Variants in EPHA4 observed in about 807,000 individuals in gnomAD.
EPHA4 encodes ephrin type-A receptor 4.
A neutral mutation model predicts 108.3 loss-of-function variants in EPHA4; 19 were observed. The observed-to-expected ratio is 0.18, with a 90% CI of 0.12 to 0.26. EPHA4 has a LOEUF of 0.26. Among genes scored for constraint, EPHA4 ranks in the 10% least tolerant of loss-of-function variants. EPHA4 has a pLI of 1.00. For missense variants in EPHA4, 917 were observed against 1,254.0 expected (o/e 0.73, Z 4.06); for synonymous variants, 449 against 455.5 (o/e 0.99, Z 0.18).
intron 9 of EPHA4, among the ~76,000 whole-genome samples, chr2:221,445,622 G>A (rs1690571932): frequency 6.8e-6 from 1 of 147,874 alleles, no homozygotes; most frequent in Admixed American, 6.8e-5. Flanking sequence ...CTTCTACCTT[G>A]CTTAAGTCAC....
At position 221,435,683 on chromosome 2, in the gene EPHA4, G is replaced by A. The variant is rs377520797; in HGVS notation, c.2346+716C>T. On this transcript the variant is annotated intron_variant, in intron 13 of 17. Transcript: ENST00000281821. ...ATTAGTATTTTATATTCAGATAGTC[G>A]AGCTAAGATAGCACAGCCATTAACT... Among the ~76,000 whole-genome samples the A allele has an allele frequency of 2.5e-4, 38 of 152,146 alleles. No individual in the cohort carries two copies. In the South Asian group the frequency reaches 7.5e-3, roughly 30 times the overall value.
rs1692277880 is a variant in EPHA4, at chr2:221,495,824, A to C, written c.979+5193T>G. Among the ~76,000 whole-genome samples the C allele has an allele frequency of 2.6e-5, 4 of 152,212 alleles. No individual in the cohort carries two copies. In the South Asian group the frequency reaches 8.3e-4, roughly 31 times the overall value. On this transcript the variant is annotated intron_variant, in intron 4 of 17. Coordinates refer to ENST00000281821, the MANE Select transcript of EPHA4 (RefSeq NM_004438.5). ...ACCTGATTTTACAAGCCAGTGGAGC[A>C]CAGTCTCTCTTTGGCTAGAAGAATG...
chr2:221,477,597 T>C (rs938854416), intron 5 of EPHA4, among the ~76,000 whole-genome samples: 5 of 152,120 alleles, frequency 3.3e-5, no homozygotes, highest in Admixed American at 2.6e-4. Context: ...CTGTTCACTA[T>C]CTTACTGTTT....
chr2:221,457,054 T>C (rs1051771912), intron 6 of EPHA4, among the ~76,000 whole-genome samples: 7 of 152,144 alleles, frequency 4.6e-5, no homozygotes, highest in African/African-American at 1.4e-4. Context: ...TAAATGATGG[T>C]TGGTGGCTTT....
At chr2:221,447,708 C>T (rs1345681468) in intron 8 of EPHA4, among the ~76,000 whole-genome samples, 1 of 152,138 alleles carries the variant, frequency 6.6e-6, no homozygotes, top group Non-Finnish European at 1.5e-5. Context: ...AAGCAGGAAC[C>T]AACTTAGCAA....
At position 221,553,343 on chromosome 2, in the gene EPHA4, T is replaced by C. The variant is rs1432909454; in HGVS notation, c.823+10388A>G. ...TGCGATCCTAATGAAGAATCCACTG[T>C]GGAAAGCAATAGCTGGGAAACGTGA... On this transcript the variant is annotated intron_variant, in intron 3 of 17. Transcript: ENST00000281821. Among the ~76,000 whole-genome samples the C allele has an allele frequency of 4.6e-5, 7 of 152,314 alleles. No individual in the cohort carries two copies. In the East Asian group the frequency reaches 1.3e-3, roughly 29 times the overall value.
At chr2:221,526,716 G>A (rs765963866) in intron 3 of EPHA4, among the ~76,000 whole-genome samples, 153 of 151,800 alleles carry the variant, frequency 1.0e-3, no homozygotes, top group Non-Finnish European at 2.0e-3. Context: ...GCGCAGTGGC[G>A]AGGGCCTATA....
intron 4 of EPHA4, among the ~76,000 whole-genome samples, chr2:221,485,320 G>T (rs538330993): frequency 9.8e-5 from 15 of 152,316 alleles, no homozygotes; most frequent in African/African-American, 3.6e-4. Flanking sequence ...TTTCAAAATG[G>T]AGGGCTGGCA....
chr2:221,499,756 A>ATATATATATTTT (rs1334015871), intron 4 of EPHA4, among the ~76,000 whole-genome samples: 1 of 26,222 alleles, frequency 3.8e-5, no homozygotes, highest in Non-Finnish European at 6.4e-5. Flanking sequence ...ATATATATAT[A>ATATATATATTTT]TTTTTTTTTT....
intron 3 of EPHA4, among the ~76,000 whole-genome samples, chr2:221,542,089 A>T (rs1047810692): frequency 2.0e-5 from 3 of 152,238 alleles, no homozygotes; most frequent in Admixed American, 1.3e-4. Flanking sequence ...CTCTGTTTCT[A>T]AATGACAATG....
At chr2:221,505,338 T>A (rs7563157) in intron 3 of EPHA4, among the ~76,000 whole-genome samples, 87,632 of 151,904 alleles carry the variant, frequency 0.58, 25,931 homozygotes, top group East Asian at 0.78. Flanking sequence ...TTATTTATTT[T>A]TTTGAGACAA....
At chr2:221,517,495 G>A (rs1161203159) in intron 3 of EPHA4, among the ~76,000 whole-genome samples, 2 of 152,116 alleles carry the variant, frequency 1.3e-5, no homozygotes, top group East Asian at 3.9e-4. Context: ...ATTAGAAGCA[G>A]GGGACCTGTA....
At chr2:221,503,784 G>A (rs939676291) in intron 3 of EPHA4, among the ~76,000 whole-genome samples, 9 of 152,272 alleles carry the variant, frequency 5.9e-5, no homozygotes, top group African/African-American at 1.9e-4. Flanking sequence ...ACTACATTAA[G>A]ACCATGTTAT....
intron 5 of EPHA4, among the ~76,000 whole-genome samples, chr2:221,466,721 G>A (rs961488313): frequency 6.6e-6 from 1 of 152,066 alleles, no homozygotes; most frequent in Non-Finnish European, 1.5e-5. Context: ...TATGAGACAG[G>A]TACTATTATT....
chr2:221,446,928 A>G (rs1165803100), intron 8 of EPHA4, among the ~76,000 whole-genome samples: 1 of 152,230 alleles, frequency 6.6e-6, no homozygotes, highest in Non-Finnish European at 1.5e-5. Flanking sequence ...TTCTGCTCCT[A>G]CAACTTTTAA....
intron 4 of EPHA4, among the ~76,000 whole-genome samples, chr2:221,485,830 T>C (rs1359249227): frequency 2.0e-5 from 3 of 147,626 alleles, no homozygotes; most frequent in Non-Finnish European, 3.0e-5. Flanking sequence ...GGCTTGAATA[T>C]AGCCAAAAGC....
At chr2:221,471,641 T>C (rs958737355) in intron 5 of EPHA4, among the ~76,000 whole-genome samples, 6 of 152,168 alleles carry the variant, frequency 3.9e-5, no homozygotes, top group Admixed American at 2.0e-4. Flanking sequence ...AGGGCTCTCA[T>C]TGATATTTCT....
At chr2:221,458,639 G>T (rs1691037848) in intron 5 of EPHA4, among the ~76,000 whole-genome samples, 1 of 152,186 alleles carries the variant, frequency 6.6e-6, no homozygotes, top group South Asian at 2.1e-4. Flanking sequence ...CTGACATGTT[G>T]CCTTTGCCTG....
chr2:221,541,019 T>C lies in EPHA4; in HGVS notation c.823+22712A>G, dbSNP rs571458780. 2.0e-5 allele frequency among the ~76,000 whole-genome samples: 3 copies of C among 147,442 alleles called. No individual in the cohort carries two copies. The South Asian group carries it at 6.5e-4, about 32-fold the overall frequency. On this transcript the variant is annotated intron_variant, in intron 3 of 17. Coordinates refer to ENST00000281821, the MANE Select transcript of EPHA4 (RefSeq NM_004438.5). ...TGGAGTGCAGTGACACAATCATAGC[T>C]CACTGCCACCTCAAACTCCTGGGTT...
Sources: allele counts gnomAD v4.1 joint callset (sites outside exome capture counted in the v4.1 genomes callset), GRCh38; gene constraint gnomAD v4.1.1; transcripts MANE v1.5; gene names NCBI Gene and HGNC (gene_info 2026-07-23, HGNC 2026-07-21).